The following CNTLN variants were observed in gnomAD, a reference collection of about 807,000 sequenced individuals.
CNTLN encodes centlein.
In CNTLN, 212 loss-of-function variants were observed where a neutral mutation model predicts 180.0. The observed-to-expected ratio is 1.18, with a 90% CI of 1.05 to 1.32. The LOEUF (loss-of-function observed/expected upper bound fraction) is 1.32, where lower values mean the gene tolerates loss of function less well. Among genes scored for constraint, CNTLN ranks in the 40% most tolerant of loss-of-function variants. The probability of loss-of-function intolerance (pLI) is 0.00; values close to 1 mark genes in which losing one functional copy is unlikely to be tolerated. For synonymous variants in CNTLN, 722 were observed against 563.1 expected (o/e 1.28, Z -3.99); for missense variants, 2,095 against 1,610.9 (o/e 1.30, Z -5.14).
intron 3 of CNTLN, among the ~76,000 whole-genome samples, chr9:17,229,835 TA>T (rs1436359786): frequency 1.4e-4 from 21 of 152,282 alleles, no homozygotes; most frequent in African/African-American, 5.1e-4. Context: ...TCTGGCTAGA[TA>T]TTAGGCTGTC....
At chr9:17,517,506 C>T in the CNTLN span, among the ~76,000 whole-genome samples, 1 of 151,860 alleles carries the variant, frequency 6.6e-6, no homozygotes, top group South Asian at 2.1e-4. Flanking sequence ...TAGCATGAGC[C>T]CACATTCAAT....
intron 5 of CNTLN, among the ~76,000 whole-genome samples, chr9:17,246,769 C>G (rs1393016965): frequency 6.6e-6 from 1 of 152,088 alleles, no homozygotes; most frequent in East Asian, 1.9e-4. Context: ...AAAGTCCTTC[C>G]CACTCTTCTC....
intron 2 of CNTLN, among the ~76,000 whole-genome samples, chr9:17,164,993 GC>G (rs1819968333): frequency 6.6e-6 from 1 of 151,122 alleles, no homozygotes; most frequent in Admixed American, 6.6e-5. Context: ...CTGCCATGAT[GC>G]CCGGCTAATT....
chr9:17,360,991 C>T (rs909468307), intron 12 of CNTLN, among the ~76,000 whole-genome samples: 2 of 152,094 alleles, frequency 1.3e-5, no homozygotes, highest in Non-Finnish European at 2.9e-5. Flanking sequence ...TTTCTGTCCA[C>T]TTTTTCCATC....
At chr9:17,308,129 A>T (rs1587604313) in intron 7 of CNTLN, among the ~76,000 whole-genome samples, 1 of 152,108 alleles carries the variant, frequency 6.6e-6, no homozygotes, top group Non-Finnish European at 1.5e-5. Flanking sequence ...ACAATTATAC[A>T]TTAGGATCAA....
intron 5 of CNTLN, among the ~76,000 whole-genome samples, chr9:17,263,200 AC>A (rs1334952597): frequency 3.1e-5 from 1 of 32,600 alleles, no homozygotes; most frequent in East Asian, 1.2e-3. Context: ...CCCTCCCCCC[AC>A]CCCACAACAG....
intron 12 of CNTLN, among the ~76,000 whole-genome samples, chr9:17,361,187 A>G (rs1007459645): frequency 1.3e-5 from 2 of 152,066 alleles, no homozygotes; most frequent in Admixed American, 6.6e-5. Context: ...CATTAGATAT[A>G]TCTCCTAATG....
chr9:17,164,338 T>C, intron 2 of CNTLN, among the ~76,000 whole-genome samples: 1 of 142,698 alleles, frequency 7.0e-6, no homozygotes, highest in African/African-American at 2.6e-5. Context: ...AAAGTTGATC[T>C]ATTGAAATGA....
At chr9:17,421,187 C>T (rs891222548) in intron 18 of CNTLN, among the ~76,000 whole-genome samples, 1 of 152,004 alleles carries the variant, frequency 6.6e-6, no homozygotes, top group African/African-American at 2.4e-5. Flanking sequence ...ATTGTATTGT[C>T]ATATTGAAGT....
intron 2 of CNTLN, among the ~76,000 whole-genome samples, chr9:17,214,615 G>T (rs997741389): frequency 1.3e-5 from 2 of 152,172 alleles, no homozygotes; most frequent in Admixed American, 1.3e-4. Flanking sequence ...TCACTAGGTT[G>T]GGGAAGTTCT....
chr9:17,252,576 A>T (rs368453656), intron 5 of CNTLN, among the ~76,000 whole-genome samples: 13 of 151,740 alleles, frequency 8.6e-5, no homozygotes, highest in African/African-American at 3.1e-4. Flanking sequence ...TACATGTTAT[A>T]ATGTGATTTT....
intron 23 of CNTLN, among the ~76,000 whole-genome samples, chr9:17,477,226 A>G (rs1156574745): frequency 6.6e-6 from 1 of 152,224 alleles, no homozygotes; most frequent in Non-Finnish European, 1.5e-5. Flanking sequence ...GCTCATTGAC[A>G]ATGCACCTAG....
the CNTLN span, among the ~76,000 whole-genome samples, chr9:17,517,052 C>T: frequency 1.3e-5 from 2 of 149,848 alleles, no homozygotes; most frequent in African/African-American, 5.1e-5. Context: ...GAATCCTGTC[C>T]CCCAAAAGAT....
At chr9:17,222,849 A>T (rs941626911) in intron 2 of CNTLN, among the ~76,000 whole-genome samples, 1 of 151,796 alleles carries the variant, frequency 6.6e-6, no homozygotes, top group African/African-American at 2.4e-5. Flanking sequence ...TCTTAGTTTC[A>T]TGTGATGTTT....
rs111767415 is a variant in CNTLN, at chr9:17,277,286, T to C, written c.983+3420T>C. On this transcript the variant is annotated intron_variant, in intron 6 of 25. Coordinates refer to ENST00000380647, the MANE Select transcript of CNTLN (RefSeq NM_017738.4). ...AGATGGGGTAGATGGGGTAGAACCA[T>C]TACCTAATGGTTCTACAATTGAGAT... 2.6e-3 allele frequency among the ~76,000 whole-genome samples: 197 copies of C among 75,716 alleles called. 46 individuals are homozygous for C. The highest frequency in any genetic ancestry group is 1.0e-2 in the African/African-American group (185 of 18,520). The allele number at this position is 75,716 out of a possible 152,430, so 49.7% of individuals were successfully genotyped here. A position where few individuals can be genotyped will look rare whatever the true frequency, so the allele number is the denominator to read the frequency against.
chr9:17,183,217 T>C (rs1225650843), intron 2 of CNTLN, among the ~76,000 whole-genome samples: 3 of 152,192 alleles, frequency 2.0e-5, no homozygotes, highest in Admixed American at 2.0e-4. Flanking sequence ...AATTTATAAT[T>C]AGTAAACCAA....
At chr9:17,382,611 C>T (rs1825346620) in intron 13 of CNTLN, among the ~76,000 whole-genome samples, 2 of 152,100 alleles carry the variant, frequency 1.3e-5, no homozygotes, top group African/African-American at 2.4e-5. Flanking sequence ...TACCTAGTAC[C>T]TAAACATTTA....
At chr9:17,356,532 G>A (rs2133345403) in intron 12 of CNTLN, among the ~76,000 whole-genome samples, 1 of 152,172 alleles carries the variant, frequency 6.6e-6, no homozygotes, top group African/African-American at 2.4e-5. Context: ...AAAGTACTAG[G>A]GCTTGGGACC....
At chr9:17,301,097 A>G (rs1202617828) in intron 7 of CNTLN, 1 of 985,320 alleles carries the variant, frequency 1.0e-6, no homozygotes, top group African/African-American at 1.7e-5. Flanking sequence ...TGATGGTGTC[A>G]TACCAGTAAT....
Sources: allele counts gnomAD v4.1 joint callset (sites outside exome capture counted in the v4.1 genomes callset), GRCh38; gene constraint gnomAD v4.1.1; transcripts MANE v1.5; gene names NCBI Gene and HGNC (gene_info 2026-07-23, HGNC 2026-07-21).